Variants in PTPN3 observed in about 807,000 individuals in gnomAD.
PTPN3 encodes tyrosine-protein phosphatase non-receptor type 3.
PTPN3 carries 96 observed loss-of-function variants against 132.7 expected under a neutral mutation model. The observed-to-expected ratio is 0.72, with a 90% CI of 0.61 to 0.86. PTPN3 has a LOEUF of 0.86. Among genes scored for constraint, PTPN3 ranks in the 40% least tolerant of loss-of-function variants. The probability of loss-of-function intolerance (pLI) is 0.00; values close to 1 mark genes in which losing one functional copy is unlikely to be tolerated. For synonymous variants in PTPN3, 398 were observed against 429.0 expected (o/e 0.93, Z 0.89); for missense variants, 1,125 against 1,159.6 (o/e 0.97, Z 0.43).
At chr9:109,518,910 G>T in the PTPN3 span, among the ~76,000 whole-genome samples, 2 of 152,092 alleles carry the variant, frequency 1.3e-5, no homozygotes, top group East Asian at 1.9e-4. Flanking sequence ...ATAAGAAAAA[G>T]CATACTTTAA....
At chr9:109,524,491 C>G in the PTPN3 span, among the ~76,000 whole-genome samples, 8 of 152,260 alleles carry the variant, frequency 5.3e-5, no homozygotes, top group East Asian at 1.4e-3. Flanking sequence ...ACTCCAAAGC[C>G]CACACTCAGA....
At chr9:109,384,693 C>T (rs532283793) in intron 22 of PTPN3, among the ~76,000 whole-genome samples, 7 of 152,210 alleles carry the variant, frequency 4.6e-5, no homozygotes, top group Non-Finnish European at 8.8e-5. Flanking sequence ...TCCCCTGAGC[C>T]TATATGTGGT....
the PTPN3 span, among the ~76,000 whole-genome samples, chr9:109,519,028 A>G: frequency 6.6e-6 from 1 of 151,878 alleles, no homozygotes; most frequent in Admixed American, 6.6e-5. Flanking sequence ...TGTATTCATC[A>G]TAGTCTCCGG....
intron 1 of PTPN3, among the ~76,000 whole-genome samples, chr9:109,476,948 C>A (rs888049761): frequency 6.6e-6 from 1 of 152,190 alleles, no homozygotes; most frequent in South Asian, 2.1e-4. Context: ...TATTTTTACA[C>A]CCCTCACTCC....
In PTPN3 at chr9:109,463,467, T is replaced by C. The variant is rs1489034839; in HGVS notation, c.-17-16A>G. 5 of 1,594,954 alleles carry C rather than the reference T, an allele frequency of 3.1e-6. No individual in the cohort carries two copies. The South Asian group carries it at 3.4e-5, about 11-fold the overall frequency. ...GCTGAATAACCTGTAACATAAAATA[T>C]ACCTGTTAGTGCTTTAATATGCGAA... On this transcript the variant is annotated splice_polypyrimidine_tract_variant and intron_variant, in intron 1 of 25. Coordinates refer to ENST00000374541, the MANE Select transcript of PTPN3 (RefSeq NM_002829.4).
chr9:109,494,940 CAAGCAG>C (rs1847613433), intron 1 of PTPN3, among the ~76,000 whole-genome samples: 2 of 152,046 alleles, frequency 1.3e-5, no homozygotes, highest in Admixed American at 1.3e-4. Context: ...GGTGCACACA[CAAGCAG>C]AAGCTCTGGA....
At chr9:109,467,796 G>A (rs1000126508) in intron 1 of PTPN3, among the ~76,000 whole-genome samples, 2 of 152,194 alleles carry the variant, frequency 1.3e-5, no homozygotes, top group Admixed American at 6.5e-5. Flanking sequence ...GGTTAGCAAT[G>A]ATGCTGTCCA....
chr9:109,448,902 C>CAAA (rs35966698), intron 5 of PTPN3, 47 bp from the exon 6 acceptor site: 386 of 1,291,706 alleles, frequency 3.0e-4, no homozygotes, highest in Admixed American at 3.5e-4. Context: ...CTGAAATAAG[C>CAAA]AAAAAAAAAA....
At chr9:109,399,820 T>C (rs1214449806) in intron 19 of PTPN3, among the ~76,000 whole-genome samples, 1 of 152,056 alleles carries the variant, frequency 6.6e-6, no homozygotes, top group East Asian at 1.9e-4. Flanking sequence ...TTCCTACTCC[T>C]GTCCAGTGTA....
the PTPN3 span, among the ~76,000 whole-genome samples, chr9:109,508,867 AC>A: frequency 4.0e-5 from 6 of 151,500 alleles, no homozygotes; most frequent in Non-Finnish European, 8.8e-5. Context: ...CCCCCCACCC[AC>A]CAACCTCCAC....
the PTPN3 span, among the ~76,000 whole-genome samples, chr9:109,506,699 C>T: frequency 6.6e-6 from 1 of 151,724 alleles, no homozygotes; most frequent in Non-Finnish European, 1.5e-5. Context: ...ACCTCCCAGG[C>T]TTAAGCAATC....
chr9:109,437,813 A>G (rs772343722), intron 8 of PTPN3, among the ~76,000 whole-genome samples: 1 of 152,232 alleles, frequency 6.6e-6, no homozygotes, highest in Non-Finnish European at 1.5e-5. Context: ...GGTACAGTCC[A>G]TTGGTGGGGC....
At position 109,470,240 on chromosome 9, in the gene PTPN3, C is replaced by T. The variant is rs541669992; in HGVS notation, c.-17-6789G>A. ...CATTCATTTAGCAGCTAATATAGTA[C>T]CAGCGTTGTTCTCTCTCGTCACTGT... On this transcript the variant is annotated intron_variant, in intron 1 of 25. Coordinates refer to ENST00000374541, the MANE Select transcript of PTPN3 (RefSeq NM_002829.4). Among the ~76,000 whole-genome samples, 3 of 152,262 alleles carry T rather than the reference C, an allele frequency of 2.0e-5. No individual in the cohort carries two copies. The South Asian group carries it at 6.2e-4, about 32-fold the overall frequency.
intron 22 of PTPN3, among the ~76,000 whole-genome samples, chr9:109,387,880 C>G (rs1425062399): frequency 2.6e-5 from 4 of 152,152 alleles, no homozygotes; most frequent in African/African-American, 9.7e-5. Context: ...CCATGAGCCT[C>G]AAGGGAGAGC....
chr9:109,489,099 G>T (rs1847342418), intron 1 of PTPN3, among the ~76,000 whole-genome samples: 1 of 152,178 alleles, frequency 6.6e-6, no homozygotes, highest in Admixed American at 6.5e-5. Context: ...ACACACCCTG[G>T]CTCTTAAATT....
intron 1 of PTPN3, among the ~76,000 whole-genome samples, chr9:109,487,689 C>A (rs572612667): frequency 7.6e-4 from 116 of 152,250 alleles, no homozygotes; most frequent in African/African-American, 2.6e-3. Context: ...CTAGCAACTT[C>A]TACATAGAGA....
chr9:109,382,272 C>T (rs753311915), intron 24 of PTPN3, 30 bp downstream of exon 24: 10 of 1,609,844 alleles, frequency 6.2e-6, no homozygotes, highest in Non-Finnish European at 7.6e-6. Flanking sequence ...GGAAAGGATT[C>T]CAAACCTAAC....
At position 109,422,776 on chromosome 9, in the gene PTPN3, C is replaced by G. The variant is rs760856001; in HGVS notation, c.1078G>C (p.Val360Leu). ...AGACTCTTGGTTTCTAAGTGCTCCA[C>G]TGATAAGGATCTCCGCATGGCTGGG... ...WNPAMRRSLS[V>L]EHLETKSLPS... The change falls in exon 13 of 26, where the codon GTG becomes CTG. Residue 360 changes from valine to leucine, a missense_variant. Transcript: ENST00000374541. The G allele has an allele frequency of 3.7e-6, 6 of 1,611,346 alleles. No homozygotes were observed. In the African/African-American group the frequency reaches 8.0e-5, roughly 22 times the overall value.
At position 109,454,512 on chromosome 9, in the gene PTPN3, G is replaced by A. The variant is rs1319868670; in HGVS notation, c.352C>T (p.Gln118Ter). ...RFFIPDPNTL[Q>*]QEQTRHLYFL... ...TGTTGTTACCTGGTTTGTTCTTGCTGCAGTGTGTTGGGATCAGGTATAAAA... is the reference window on the plus strand; with the variant it reads ...TGTTGTTACCTGGTTTGTTCTTGCTACAGTGTGTTGGGATCAGGTATAAAA... The change falls in exon 5 of 26, where the codon CAG becomes TAG. Residue 118 changes from glutamine to a stop codon, truncating the protein, a stop_gained. Transcript: ENST00000374541. LOFTEE classifies it high-confidence loss of function. The A allele has an allele frequency of 6.2e-7, 1 of 1,612,938 alleles. No individual in the cohort carries two copies. The highest frequency in any genetic ancestry group is 8.5e-7 in the Non-Finnish European group (1 of 1,179,678).
Sources: gnomAD v4.1 joint callset for allele counts (sites outside exome capture counted in the v4.1 genomes callset) on GRCh38, gnomAD v4.1.1 for gene constraint, MANE v1.5 for transcripts, NCBI Gene and HGNC (gene_info 2026-07-23, HGNC 2026-07-21) for gene names.